Variants in DCC observed in about 807,000 individuals in gnomAD.
The protein encoded by DCC is DCC netrin 1 receptor.
DCC carries 58 observed loss-of-function variants against 172.5 expected under a neutral mutation model. The ratio of observed to expected loss-of-function variants is 0.34; its 90% CI spans 0.27 to 0.42. The LOEUF is 0.42. Among genes scored for constraint, DCC ranks in the 10% least tolerant of loss-of-function variants. The pLI is 1.00. For synonymous variants in DCC, 709 were observed against 644.5 expected, an observed-to-expected ratio of 1.10 and a Z score of -1.52; for missense variants, 1,740 against 1,791.0, an observed-to-expected ratio of 0.97 and a Z score of 0.51.
chr18:52,743,704 C>T (rs1205516035), intron 1 of DCC, among the ~76,000 whole-genome samples: 1 of 152,198 alleles, frequency 6.6e-6, no homozygotes, highest in African/African-American at 2.4e-5. Context: ...GTGGAAGATG[C>T]CATGTGCTCG....
chr18:53,313,118 T>C (rs1303063577), intron 13 of DCC, among the ~76,000 whole-genome samples: 4 of 151,660 alleles, frequency 2.6e-5, no homozygotes, highest in East Asian at 1.9e-4. Flanking sequence ...GAAAGCAACA[T>C]TGAAAGATCT....
intron 1 of DCC, among the ~76,000 whole-genome samples, chr18:52,665,699 C>T (rs546940731): frequency 2.0e-5 from 3 of 152,134 alleles, no homozygotes; most frequent in Middle Eastern, 3.2e-3. Flanking sequence ...AGTTTACTAC[C>T]GACTTTAAGT....
chr18:52,607,396 G>T (rs764451557), intron 1 of DCC, among the ~76,000 whole-genome samples: 10 of 152,090 alleles, frequency 6.6e-5, no homozygotes, highest in Non-Finnish European at 1.2e-4. Flanking sequence ...CAACATCGGG[G>T]TACCACTTAA....
At chr18:53,186,603 G>T (rs1268713887) in intron 9 of DCC, among the ~76,000 whole-genome samples, 1 of 152,144 alleles carries the variant, frequency 6.6e-6, no homozygotes, top group Non-Finnish European at 1.5e-5. Flanking sequence ...CTCATCTTTA[G>T]AGCATATTTT....
At chr18:52,367,660 G>C (rs1965574616) in intron 1 of DCC, among the ~76,000 whole-genome samples, 1 of 152,124 alleles carries the variant, frequency 6.6e-6, no homozygotes, top group Admixed American at 6.5e-5. Flanking sequence ...GTCTTTGGCT[G>C]GTTTAGCTAA....
chr18:53,510,944 G>C lies in DCC; in HGVS notation c.4111+11434G>C, dbSNP rs575852289. ...TCAGCTTTCTATCAAAGCCTACCTT[G>C]TAGAATTTTTTATTTTTGTCTAAGA... On this transcript the variant is annotated intron_variant, in intron 27 of 28. Transcript: ENST00000442544. Among the ~76,000 whole-genome samples, 6 of 152,242 alleles carry C rather than the reference G, an allele frequency of 3.9e-5. No homozygotes were observed. In the South Asian group the frequency reaches 1.2e-3, roughly 32 times the overall value.
At chr18:52,931,673 G>A (rs908449786) in intron 5 of DCC, 1 of 151,980 alleles carries the variant, frequency 6.6e-6, no homozygotes, top group Non-Finnish European at 1.5e-5. Context: ...GCTTTTTGGA[G>A]ATATCTTTAT....
intron 2 of DCC, among the ~76,000 whole-genome samples, chr18:52,821,313 G>A (rs749663796): frequency 3.3e-5 from 5 of 151,934 alleles, no homozygotes; most frequent in Admixed American, 6.6e-5. Context: ...CTTTCCAACC[G>A]AGGTGTATTC....
At chr18:52,804,858 G>A (rs966449880) in intron 2 of DCC, among the ~76,000 whole-genome samples, 6 of 152,066 alleles carry the variant, frequency 3.9e-5, no homozygotes, top group Admixed American at 2.6e-4. Flanking sequence ...CTGGGATTAC[G>A]GACATGACCT....
intron 24 of DCC, among the ~76,000 whole-genome samples, chr18:53,460,325 C>T (rs1192544099): frequency 8.1e-6 from 1 of 123,190 alleles, no homozygotes; most frequent in Non-Finnish European, 1.6e-5. Context: ...TACATGTGCA[C>T]AATGTGCAGG....
intron 15 of DCC, among the ~76,000 whole-genome samples, chr18:53,360,384 G>T (rs1190295699): frequency 6.6e-6 from 1 of 152,034 alleles, no homozygotes; most frequent in African/African-American, 2.4e-5. Context: ...TATTTAGTTA[G>T]CATAATCATT....
chr18:52,776,814 A>G (rs1431991020), intron 2 of DCC, among the ~76,000 whole-genome samples: 2 of 152,224 alleles, frequency 1.3e-5, no homozygotes, highest in East Asian at 3.8e-4. Context: ...AGTTTTCTGC[A>G]AACTAGTTAT....
chr18:53,202,252 G>A (rs2055549203), intron 9 of DCC, among the ~76,000 whole-genome samples: 2 of 152,112 alleles, frequency 1.3e-5, no homozygotes, highest in Admixed American at 6.6e-5. Context: ...AAAAAGAAAA[G>A]AGGTACTCCA....
chr18:53,446,596 C>T lies in DCC; in HGVS notation c.3230-3904C>T, dbSNP rs186324243. Among the ~76,000 whole-genome samples the T allele has an allele frequency of 2.6e-5, 4 of 152,292 alleles. No homozygotes were observed. In the East Asian group the frequency reaches 7.7e-4, roughly 29 times the overall value. ...TTTGATGTATTAAGATATAGATCCT[C>T]ATTACTTGCAGAATCTGAATTTGTG... On this transcript the variant is annotated intron_variant, in intron 22 of 28. Coordinates refer to ENST00000442544, the MANE Select transcript of DCC (RefSeq NM_005215.4).
intron 1 of DCC, among the ~76,000 whole-genome samples, chr18:52,636,923 C>T (rs1444634980): frequency 2.6e-5 from 4 of 152,102 alleles, no homozygotes; most frequent in Non-Finnish European, 5.9e-5. Context: ...AGTCCTGCAC[C>T]CCCGCCACCT....
At chr18:52,504,462 G>A (rs2031153571) in intron 1 of DCC, among the ~76,000 whole-genome samples, 1 of 152,086 alleles carries the variant, frequency 6.6e-6, no homozygotes, top group South Asian at 2.1e-4. Context: ...ATGAAAGCTC[G>A]CAGCTCACAA....
At chr18:52,882,763 T>C (rs1024290291) in intron 2 of DCC, among the ~76,000 whole-genome samples, 3 of 152,172 alleles carry the variant, frequency 2.0e-5, no homozygotes, top group African/African-American at 4.8e-5. Flanking sequence ...TGTAAATAGC[T>C]ATTAGGCTTA....
chr18:52,533,246 G>A (rs911945073), intron 1 of DCC, among the ~76,000 whole-genome samples: 3 of 151,920 alleles, frequency 2.0e-5, no homozygotes, highest in Non-Finnish European at 4.4e-5. Context: ...AGTTTTACTT[G>A]TACTCCTTTG....
intron 21 of DCC, among the ~76,000 whole-genome samples, chr18:53,432,588 A>G (rs1401065397): frequency 2.6e-5 from 4 of 152,124 alleles, no homozygotes; most frequent in African/African-American, 7.2e-5. Context: ...AACACATCCA[A>G]TATTTGTTCT....
Sources: gnomAD v4.1 joint callset for allele counts (sites outside exome capture counted in the v4.1 genomes callset) on GRCh38, gnomAD v4.1.1 for gene constraint, MANE v1.5 for transcripts, NCBI Gene and HGNC (gene_info 2026-07-23, HGNC 2026-07-21) for gene names.